DTX2: variants seen among roughly 807,000 people sequenced by gnomAD.
The protein encoded by DTX2 is deltex E3 ubiquitin ligase 2.
In DTX2, 29 loss-of-function variants were observed where a neutral mutation model predicts 55.3. The observed-to-expected ratio is 0.52, with a 90% CI of 0.39 to 0.71. The LOEUF (loss-of-function observed/expected upper bound fraction) is 0.71. Among genes scored for constraint, DTX2 ranks in the 30% least tolerant of loss-of-function variants. The probability of loss-of-function intolerance (pLI) is 0.00; values close to 1 mark genes in which losing one functional copy is unlikely to be tolerated. For synonymous variants in DTX2, 276 were observed against 340.4 expected (o/e 0.81, Z 2.08); for missense variants, 537 against 822.5 (o/e 0.65, Z 4.25).
At chr7:76,463,422 AAAAT>A (rs1806826365) in intron 1 of DTX2, 119 bp from the exon 2 acceptor site, 2 of 152,416 alleles carry the variant, frequency 1.3e-5, no homozygotes, top group East Asian at 3.9e-4. Context: ...AGGCTATTGG[AAAAT>A]AAATCTGGTG....
chr7:76,468,149 C>G (rs60539801), intron 2 of DTX2, among the ~76,000 whole-genome samples: 1 of 152,302 alleles, frequency 6.6e-6, no homozygotes. Flanking sequence ...CGGTGTGGCT[C>G]TGGGGAGCAC....
At position 76,480,548 on chromosome 7, in the gene DTX2, C is replaced by T. The variant is rs756457469; in HGVS notation, c.39C>T (p.Tyr13=). The T allele has an allele frequency of 7.4e-6, 12 of 1,611,756 alleles. No homozygotes were observed. The highest frequency in any genetic ancestry group is 4.0e-5 in the African/African-American group (3 of 74,890). Residue 13 remains tyrosine, a synonymous_variant, in exon 3 of 11, where the codon TAC becomes TAT. Transcript: ENST00000430490. Reference sequence around the variant, plus strand: ...CAAGCCCTTCCCTGGTGCAGGTGTACACCAGCCCCGCGGCTGTGGCCGTGT... The same window carrying T: ...CAAGCCCTTCCCTGGTGCAGGTGTATACCAGCCCCGCGGCTGTGGCCGTGT... The part of the protein sequence containing the change: ...MAPSPSLVQV[Y]TSPAAVAVWE...
chr7:76,472,997 GT>G (rs1183269087), intron 2 of DTX2, among the ~76,000 whole-genome samples: 1 of 151,348 alleles, frequency 6.6e-6, no homozygotes, highest in East Asian at 1.9e-4. Context: ...TTTCTTTTCC[GT>G]TTTTTTTAAT....
At position 76,505,602 on chromosome 7, in the gene DTX2, C is replaced by T; in HGVS notation, c.*1C>T. 1 of 1,537,184 alleles carries T rather than the reference C, an allele frequency of 6.5e-7. No homozygotes were observed. The highest frequency in any genetic ancestry group is 8.7e-7 in the Non-Finnish European group (1 of 1,145,200). On this transcript the variant is annotated 3_prime_UTR_variant, in exon 11 of 11. Coordinates refer to ENST00000430490, the MANE Select transcript of DTX2 (RefSeq NM_001102594.3). This position sits in a 1 kb window ranked among gnomAD's most constrained non-coding sequence, Gnocchi z 4.4. ...CGAGGACTGCCTGGAGCAGCAGTGA[C>T]CTCGCACCCCAGCACGCCCGCCTCT...
At chr7:76,476,367 G>A (rs1444596458) in intron 2 of DTX2, among the ~76,000 whole-genome samples, 8 of 140,266 alleles carry the variant, frequency 5.7e-5, no homozygotes, top group Non-Finnish European at 7.7e-5. Flanking sequence ...CGCAGTGGGC[G>A]TTTCTGGGCA....
At chr7:76,474,361 A>G (rs1281599626) in intron 2 of DTX2, among the ~76,000 whole-genome samples, 2 of 151,822 alleles carry the variant, frequency 1.3e-5, no homozygotes, top group Non-Finnish European at 2.9e-5. Flanking sequence ...GGCCTGTTTT[A>G]CATGTTGACG....
chr7:76,484,447 GAC>G lies in DTX2; in HGVS notation c.908+1301_908+1302del, dbSNP rs1314695317. On this transcript the variant is annotated intron_variant, in intron 4 of 10. Coordinates refer to ENST00000430490, the MANE Select transcript of DTX2 (RefSeq NM_001102594.3). ...GCCGTAGCCCTCTGACTGTCTGGGT[GAC>G]TTGGGGCTTCGTCATTCATTATTGA... 6.6e-5 allele frequency among the ~76,000 whole-genome samples: 9 copies of G among 136,064 alleles called. No homozygotes were observed. In the East Asian group the frequency reaches 2.1e-3, roughly 32 times the overall value. The allele number at this position is 136,064 out of a possible 152,430, so 89.3% of individuals were successfully genotyped here. A position where few individuals can be genotyped will look rare whatever the true frequency, so the allele number is the denominator to read the frequency against.
In DTX2 at chr7:76,498,321, G is replaced by T. The variant is rs1392665567; in HGVS notation, c.1150+844G>T. Among the ~76,000 whole-genome samples the T allele has an allele frequency of 1.3e-4, 19 of 151,170 alleles. No individual in the cohort carries two copies. The East Asian group carries it at 3.9e-3, about 31-fold the overall frequency. On this transcript the variant is annotated intron_variant, in intron 6 of 10. Coordinates refer to ENST00000430490, the MANE Select transcript of DTX2 (RefSeq NM_001102594.3). ...CGACCTCCAGCCCACAGGCGAGGAG[G>T]TGGGCTCAGGGAGGGGTGGGCCTCG...
intron 2 of DTX2, among the ~76,000 whole-genome samples, chr7:76,469,359 G>GCT (rs1449915555): frequency 2.2e-5 from 2 of 91,764 alleles, no homozygotes; most frequent in Admixed American, 1.2e-4. Flanking sequence ...TTGAAATCTA[G>GCT]ATTTTTTTTT....
intron 2 of DTX2, among the ~76,000 whole-genome samples, chr7:76,474,206 T>C (rs1241951403): frequency 7.5e-6 from 1 of 133,936 alleles, no homozygotes; most frequent in Non-Finnish European, 1.6e-5. Flanking sequence ...TTTCTTTTTC[T>C]TTTCTTTCTT....
chr7:76,505,055 T>G lies in DTX2; in HGVS notation c.1642-319T>G, dbSNP rs959532411. Among the ~76,000 whole-genome samples the G allele has an allele frequency of 0.037, 207 of 5,638 alleles. No individual in the cohort carries two copies. The highest frequency in any genetic ancestry group is 0.049 in the Admixed American group (24 of 486). 3.7% of individuals were successfully genotyped at this position (5,638 alleles called of 152,430 possible). On this transcript the variant is annotated intron_variant, in intron 10 of 10. Transcript: ENST00000430490. This position sits in a 1 kb window ranked among gnomAD's most constrained non-coding sequence, Gnocchi z 4.4. ...GAGGCCTGGATTCCACCAGGGAGGG[T>G]GGGTGGGCGGGCGCTCGTCCAGCAA...
chr7:76,498,727 TG>T (rs146996594), intron 6 of DTX2, among the ~76,000 whole-genome samples: 39,589 of 87,474 alleles, frequency 0.45, 5,282 homozygotes, highest in African/African-American at 0.53. Context: ...GACCCTGAGC[TG>T]GGGGCCATCG....
chr7:76,499,926 T>C (rs920059011), intron 6 of DTX2: 1 of 343,786 alleles, frequency 2.9e-6, no homozygotes, highest in African/African-American at 2.2e-5. Context: ...TGGCAGGCGT[T>C]TCCCGGGACA....
At chr7:76,488,650 C>T (rs1444215828) in intron 4 of DTX2, among the ~76,000 whole-genome samples, 1 of 74,586 alleles carries the variant, frequency 1.3e-5, no homozygotes, top group East Asian at 3.4e-4. Context: ...AATCCCAGCA[C>T]TTTGGGAGGC....
intron 8 of DTX2, 96 bp downstream of exon 8, chr7:76,502,552 G>C: frequency 7.2e-7 from 1 of 1,380,848 alleles, no homozygotes; most frequent in Non-Finnish European, 9.8e-7. Context: ...GTGGCTGTAG[G>C]AATGGGCCTC....
intron 4 of DTX2, among the ~76,000 whole-genome samples, chr7:76,491,399 T>C (rs1272103723): frequency 7.6e-6 from 1 of 131,352 alleles, no homozygotes; most frequent in African/African-American, 3.1e-5. Flanking sequence ...GTGATTCTCC[T>C]GCCTCAGCCT....
chr7:76,483,101 G>C lies in DTX2; in HGVS notation c.862G>C (p.Gly288Arg). 1 of 1,612,968 alleles carries C rather than the reference G, an allele frequency of 6.2e-7. No homozygotes were observed. The highest frequency in any genetic ancestry group is 8.5e-7 in the Non-Finnish European group (1 of 1,179,808). ...PLYRSSLSHLGPQHLPPGSST... is the reference protein window; with the variant it reads ...PLYRSSLSHLRPQHLPPGSST... ...CTACCGCTCCAGCCTCTCCCACCTG[G>C]GACCGCAGCACCTGCCCCCAGGATC... The change falls in exon 4 of 11, where the codon GGA (glycine) becomes CGA (arginine). Residue 288 changes from glycine to arginine, a missense_variant. Physicochemically the swap from Gly to Arg is moderately radical, Grantham distance 125. Around this residue, in one of 7 missense-constraint regions of DTX2, gnomAD observed 301 missense variants for 396.6 expected, o/e 0.76. Coordinates refer to ENST00000430490, the MANE Select transcript of DTX2 (RefSeq NM_001102594.3).
At chr7:76,488,015 C>CT (rs1399480352) in intron 4 of DTX2, among the ~76,000 whole-genome samples, 1 of 102,502 alleles carries the variant, frequency 9.8e-6, no homozygotes, top group African/African-American at 3.7e-5. Flanking sequence ...CCGTCCACCC[C>CT]TAGGGGCCCC....
chr7:76,465,097 C>A (rs1261009580), intron 2 of DTX2, among the ~76,000 whole-genome samples: 1 of 149,566 alleles, frequency 6.7e-6, no homozygotes, highest in Non-Finnish European at 1.5e-5. Context: ...CACCATCATG[C>A]CTGGCTGATT....
Sources: allele counts gnomAD v4.1 joint callset (sites outside exome capture counted in the v4.1 genomes callset), GRCh38; gene constraint gnomAD v4.1.1; regional missense constraint gnomAD v4.1.1; non-coding constraint Gnocchi (gnomAD v3.1); transcripts MANE v1.5; gene names NCBI Gene and HGNC (gene_info 2026-07-23, HGNC 2026-07-21).